KIF16B: variants seen among roughly 807,000 people sequenced by gnomAD.
The protein encoded by KIF16B is kinesin family member 16B, also known as kinesin-like protein KIF16B.
KIF16B carries 98 observed loss-of-function variants against 156.3 expected under a neutral mutation model. That is an observed-to-expected ratio of 0.63 (90% CI 0.53 to 0.74). The LOEUF (loss-of-function observed/expected upper bound fraction) is 0.74. Ranked by LOEUF, KIF16B falls within the 30% of genes least tolerant of loss-of-function variation. KIF16B has a pLI of 0.00. For synonymous variants in KIF16B, 564 were observed against 583.7 expected, an observed-to-expected ratio of 0.97 and a Z score of 0.49; for missense variants, 1,421 against 1,606.5, an observed-to-expected ratio of 0.88 and a Z score of 1.97.
chr20:16,402,988 C>T (rs1372650800), intron 17 of KIF16B, among the ~76,000 whole-genome samples: 2 of 152,146 alleles, frequency 1.3e-5, no homozygotes, highest in African/African-American at 4.8e-5. Flanking sequence ...ATATGTAAGG[C>T]AAAGAGGGGC....
chr20:16,443,072 T>G (rs1485258510), intron 12 of KIF16B, among the ~76,000 whole-genome samples: 2 of 152,184 alleles, frequency 1.3e-5, no homozygotes, highest in South Asian at 2.1e-4. Flanking sequence ...AGTGCCAATG[T>G]GATGATCAAT....
At chr20:16,420,697 GGTTT>G (rs111800657) in intron 15 of KIF16B, among the ~76,000 whole-genome samples, 19 of 152,116 alleles carry the variant, frequency 1.2e-4, no homozygotes, top group African/African-American at 2.2e-4. Context: ...TGCCTCAAAA[GGTTT>G]GTTTGTTTGT....
chr20:16,311,685 AAAC>A (rs749960281), intron 25 of KIF16B, among the ~76,000 whole-genome samples: 25 of 152,182 alleles, frequency 1.6e-4, no homozygotes, highest in African/African-American at 5.8e-4. Flanking sequence ...TTCTTAAAGA[AAAC>A]AACTGGTCCC....
chr20:16,561,070 A>G (rs1411750331), intron 1 of KIF16B, among the ~76,000 whole-genome samples: 1 of 152,118 alleles, frequency 6.6e-6, no homozygotes, highest in East Asian at 1.9e-4. Context: ...TGGGTGGGTC[A>G]CCTGAGGTCA....
chr20:16,428,507 T>C (rs2146428932), intron 14 of KIF16B, among the ~76,000 whole-genome samples: 1 of 152,312 alleles, frequency 6.6e-6, no homozygotes, highest in Non-Finnish European at 1.5e-5. Context: ...CTTCCACATG[T>C]GTGTATGCTG....
chr20:16,370,822 T>C (rs2064800698), intron 21 of KIF16B, among the ~76,000 whole-genome samples, 186 bp from the exon 22 acceptor site: 1 of 152,192 alleles, frequency 6.6e-6, no homozygotes, highest in African/African-American at 2.4e-5. Context: ...CCATCTGCCA[T>C]CAGAGAACTG....
chr20:16,273,485 G>C, intron 25 of KIF16B, 74 bp from the exon 26 acceptor site: 1 of 1,239,360 alleles, frequency 8.1e-7, no homozygotes, highest in South Asian at 1.2e-5. Flanking sequence ...GAGCTCAGGA[G>C]TTTGAGACCA....
intron 12 of KIF16B, among the ~76,000 whole-genome samples, chr20:16,465,447 C>A (rs2067462761): frequency 6.6e-6 from 1 of 152,220 alleles, no homozygotes; most frequent in African/African-American, 2.4e-5. Context: ...CTCTGAAGTA[C>A]CATGTGCAGC....
At chr20:16,275,179 G>C (rs191076663) in intron 25 of KIF16B, among the ~76,000 whole-genome samples, 100 of 151,760 alleles carry the variant, frequency 6.6e-4, no homozygotes, top group African/African-American at 2.3e-3. Flanking sequence ...TCAGCCTCCT[G>C]AGTAGCTGGG....
intron 1 of KIF16B, among the ~76,000 whole-genome samples, chr20:16,537,075 A>T (rs1430551715): frequency 6.6e-6 from 1 of 151,788 alleles, no homozygotes; most frequent in African/African-American, 2.4e-5. Flanking sequence ...CTCCAGCCTC[A>T]TCCTCTCTCA....
intron 4 of KIF16B, among the ~76,000 whole-genome samples, chr20:16,514,328 C>T (rs1005718183): frequency 1.3e-5 from 2 of 151,962 alleles, no homozygotes; most frequent in African/African-American, 2.4e-5. Flanking sequence ...GAAGACTTCC[C>T]GAACAGCACT....
chr20:16,471,212 A>T (rs1343882174), intron 12 of KIF16B, among the ~76,000 whole-genome samples: 3 of 152,172 alleles, frequency 2.0e-5, no homozygotes, highest in African/African-American at 7.2e-5. Context: ...AACAAAAGCC[A>T]ATTTTTCATT....
chr20:16,401,436 G>A (rs1312304498), intron 17 of KIF16B, among the ~76,000 whole-genome samples: 2 of 152,136 alleles, frequency 1.3e-5, no homozygotes, highest in Admixed American at 6.5e-5. Context: ...ACATTCCTCT[G>A]CATAATATGT....
intron 10 of KIF16B, among the ~76,000 whole-genome samples, chr20:16,499,779 C>A (rs1379148668): frequency 6.6e-6 from 1 of 152,148 alleles, no homozygotes; most frequent in Non-Finnish European, 1.5e-5. Flanking sequence ...ATGACCAGCA[C>A]CCCTTCTGGA....
chr20:16,468,643 A>T (rs975438244), intron 12 of KIF16B, among the ~76,000 whole-genome samples: 1 of 151,956 alleles, frequency 6.6e-6, no homozygotes, highest in Non-Finnish European at 1.5e-5. Context: ...CCAAAACTAC[A>T]AACATTAATG....
In KIF16B at chr20:16,548,372, T is replaced by C. The variant is rs143742455; in HGVS notation, c.48-19932A>G. On this transcript the variant is annotated intron_variant, in intron 1 of 25. Coordinates refer to ENST00000354981, the MANE Select transcript of KIF16B (RefSeq NM_024704.5). Reference sequence around the variant, plus strand: ...GCTGCAGAAGCTCCTTTCAGAGCTGTATCTTGTAGAACAGGCATCCCAAAG... The same window carrying C: ...GCTGCAGAAGCTCCTTTCAGAGCTGCATCTTGTAGAACAGGCATCCCAAAG... Among the ~76,000 whole-genome samples, 67 of 152,248 alleles carry C rather than the reference T, an allele frequency of 4.4e-4. 2 individuals are homozygous for C. The highest frequency in any genetic ancestry group is 1.3e-3 in the African/African-American group (52 of 41,560).
intron 12 of KIF16B, among the ~76,000 whole-genome samples, chr20:16,488,035 G>A (rs939055844): frequency 5.3e-5 from 8 of 152,282 alleles, no homozygotes; most frequent in South Asian, 2.1e-4. Context: ...GCATGTGAGC[G>A]CCTGCTTCTC....
At chr20:16,393,473 C>T (rs1042691225) in intron 17 of KIF16B, among the ~76,000 whole-genome samples, 9 of 152,264 alleles carry the variant, frequency 5.9e-5, no homozygotes, top group East Asian at 1.9e-4. Context: ...GTTAAACATA[C>T]GGTGTCACTG....
intron 25 of KIF16B, among the ~76,000 whole-genome samples, chr20:16,300,638 T>A (rs181339966): frequency 6.6e-6 from 1 of 152,252 alleles, no homozygotes; most frequent in African/African-American, 2.4e-5. Context: ...AACTACCACA[T>A]GATGATTTAT....
Sources: gnomAD v4.1 joint callset for allele counts (sites outside exome capture counted in the v4.1 genomes callset) on GRCh38, gnomAD v4.1.1 for gene constraint, MANE v1.5 for transcripts, NCBI Gene and HGNC (gene_info 2026-07-23, HGNC 2026-07-21) for gene names.